DISC1: variants seen among roughly 807,000 people sequenced by gnomAD.
The protein encoded by DISC1 is DISC1 scaffold protein.
In DISC1, 57 loss-of-function variants were observed where a neutral mutation model predicts 84.5. The observed-to-expected ratio is 0.67, with a 90% CI of 0.55 to 0.84. The LOEUF (loss-of-function observed/expected upper bound fraction) is 0.84, where lower values mean the gene tolerates loss of function less well. DISC1 is among the 40% of genes least tolerant of loss of function. The probability of loss-of-function intolerance (pLI) is 0.00; values close to 1 mark genes in which losing one functional copy is unlikely to be tolerated. For synonymous variants in DISC1, 411 were observed against 415.2 expected (o/e 0.99, Z 0.12); for missense variants, 1,000 against 1,057.8 (o/e 0.95, Z 0.76).
chr1:232,020,077 C>T (rs1195961211), intron 11 of DISC1, among the ~76,000 whole-genome samples: 2 of 152,098 alleles, frequency 1.3e-5, no homozygotes, highest in Non-Finnish European at 2.9e-5. Context: ...TGCGGTGGCT[C>T]ACACCTGTAA....
rs538158442 is a variant in DISC1, at chr1:231,999,200, G to T, written c.2043-9585G>T. ...AAAAAGGCATGGACCATTTCTCTCT[G>T]CTTCTTCCCACTAAATGCAATTCTA... On this transcript the variant is annotated intron_variant, in intron 10 of 12. Coordinates refer to ENST00000439617, the MANE Select transcript of DISC1 (RefSeq NM_018662.3). 3.3e-5 allele frequency among the ~76,000 whole-genome samples: 5 copies of T among 152,286 alleles called. No homozygotes were observed. In the South Asian group the frequency reaches 1.0e-3, roughly 32 times the overall value.
intron 9 of DISC1, among the ~76,000 whole-genome samples, chr1:231,913,815 C>T (rs912576340): frequency 6.6e-6 from 1 of 152,170 alleles, no homozygotes. Flanking sequence ...TGCCAACATG[C>T]AAGAAACCAG....
At chr1:231,936,881 C>T (rs900531105) in intron 9 of DISC1, among the ~76,000 whole-genome samples, 6 of 152,192 alleles carry the variant, frequency 3.9e-5, no homozygotes, top group Admixed American at 1.3e-4. Context: ...GCAACAAAGG[C>T]CTTTCTGATA....
chr1:231,933,706 T>C (rs2090807970), intron 9 of DISC1, among the ~76,000 whole-genome samples: 1 of 152,228 alleles, frequency 6.6e-6, no homozygotes, highest in African/African-American at 2.4e-5. Context: ...ACCTGGCATC[T>C]TTTAAAATTA....
chr1:231,712,699 G>A (rs953416750), intron 3 of DISC1, among the ~76,000 whole-genome samples: 3 of 152,190 alleles, frequency 2.0e-5, no homozygotes, highest in Non-Finnish European at 4.4e-5. Context: ...GTTCTAACCT[G>A]TCTGGGGGCT....
intron 1 of DISC1, among the ~76,000 whole-genome samples, chr1:231,686,511 C>G (rs538657832): frequency 6.6e-6 from 1 of 152,294 alleles, no homozygotes; most frequent in African/African-American, 2.4e-5. Context: ...GCTGGAGCAG[C>G]TGGGACACAG....
At chr1:231,863,220 CTTTTTTTTTT>C (rs533463099) in intron 9 of DISC1, among the ~76,000 whole-genome samples, 12 of 54,768 alleles carry the variant, frequency 2.2e-4, no homozygotes, top group Admixed American at 1.2e-3. Flanking sequence ...ATAAAATGTT[CTTTTTTTTTT>C]TTTTTTTTTT....
At chr1:231,886,775 CTTTCTTTCTTTCTTTCTTT>C (rs2086748272) in intron 9 of DISC1, among the ~76,000 whole-genome samples, 1 of 68,470 alleles carries the variant, frequency 1.5e-5, no homozygotes, top group African/African-American at 5.0e-5. Flanking sequence ...TCCTTTCTTT[CTTTCTTTCTTTCTTTCTTT>C]CTTTCTTTCT....
chr1:232,036,853 G>A lies in DISC1; in HGVS notation c.*22G>A. On this transcript the variant is annotated 3_prime_UTR_variant, in exon 13 of 13. Transcript: ENST00000439617. ...CTGAGGAGTGACGGGATGGGGGAGG[G>A]AGGTGGGCCACCATGTTTGGACCCG... 2.0e-6 allele frequency: 3 copies of A among 1,523,612 alleles called. No individual in the cohort carries two copies. The highest frequency in any genetic ancestry group is 1.3e-5 in the South Asian group (1 of 78,986). 94.4% of individuals were successfully genotyped at this position (1,523,612 alleles called of 1,614,324 possible). A position where few individuals can be genotyped will look rare whatever the true frequency, so the allele number is the denominator to read the frequency against.
intron 10 of DISC1, among the ~76,000 whole-genome samples, chr1:231,984,253 A>G (rs367944368): frequency 6.6e-6 from 1 of 152,386 alleles, no homozygotes; most frequent in East Asian, 1.9e-4. Context: ...GTAAAGTACA[A>G]GTTTACCAGG....
At chr1:231,811,806 C>G (rs1319420395) in intron 8 of DISC1, among the ~76,000 whole-genome samples, 1 of 152,190 alleles carries the variant, frequency 6.6e-6, no homozygotes, top group Non-Finnish European at 1.5e-5. Context: ...AGTTCAAGTT[C>G]AGCAATCTCG....
At chr1:231,978,126 T>C (rs1343501835) in intron 10 of DISC1, among the ~76,000 whole-genome samples, 1 of 152,182 alleles carries the variant, frequency 6.6e-6, no homozygotes, top group Non-Finnish European at 1.5e-5. Context: ...TGAGACTTGG[T>C]CATATTTATG....
At chr1:231,912,599 G>A (rs533364140) in intron 9 of DISC1, among the ~76,000 whole-genome samples, 13 of 152,282 alleles carry the variant, frequency 8.5e-5, no homozygotes, top group African/African-American at 2.2e-4. Context: ...CTACTGGGAG[G>A]TGCCTCCCAG....
intron 9 of DISC1, among the ~76,000 whole-genome samples, chr1:231,837,727 C>T (rs1043052990): frequency 1.3e-5 from 2 of 152,074 alleles, no homozygotes; most frequent in Non-Finnish European, 2.9e-5. Flanking sequence ...GAGGAGGTGG[C>T]ACAAGTAATG....
intron 10 of DISC1, among the ~76,000 whole-genome samples, chr1:231,992,784 A>T (rs1016906831): frequency 6.6e-6 from 1 of 152,092 alleles, no homozygotes; most frequent in African/African-American, 2.4e-5. Context: ...TTTAAACTTA[A>T]TTTTTTTGTG....
At position 231,927,746 on chromosome 1, in the gene DISC1, TA is replaced by T. The variant is rs374409756; in HGVS notation, c.1982-31081del. Among the ~76,000 whole-genome samples the T allele has an allele frequency of 1.9e-3, 295 of 152,352 alleles. 2 individuals are homozygous for T. The highest frequency in any genetic ancestry group is 7.0e-3 in the African/African-American group (289 of 41,582). On this transcript the variant is annotated intron_variant, in intron 9 of 12. Coordinates refer to ENST00000439617, the MANE Select transcript of DISC1 (RefSeq NM_018662.3). ...GACGAGAGCTAGGCACGTGGATTTTTATGCAACAAAGGAGATAGGCAAGGAG... is the reference window on the plus strand; with the variant it reads ...GACGAGAGCTAGGCACGTGGATTTTTTGCAACAAAGGAGATAGGCAAGGAG...
chr1:231,993,703 G>A (rs1396955023), intron 10 of DISC1, among the ~76,000 whole-genome samples: 2 of 152,090 alleles, frequency 1.3e-5, no homozygotes, highest in Non-Finnish European at 2.9e-5. Flanking sequence ...TGCTCTCAAG[G>A]GGCCACAGAA....
At chr1:231,747,998 T>G (rs553597283) in intron 3 of DISC1, among the ~76,000 whole-genome samples, 1 of 152,310 alleles carries the variant, frequency 6.6e-6, no homozygotes, top group Non-Finnish European at 1.5e-5. Flanking sequence ...TTGTAGTTAT[T>G]GTAAATGAAA....
intron 1 of DISC1, among the ~76,000 whole-genome samples, chr1:231,654,208 T>G (rs1418435219): frequency 7.9e-5 from 12 of 152,222 alleles, no homozygotes; most frequent in African/African-American, 2.9e-4. Flanking sequence ...GCCCTGCTGT[T>G]GTTTCAAGGC....
Sources: gnomAD v4.1 joint callset for allele counts (sites outside exome capture counted in the v4.1 genomes callset) on GRCh38, gnomAD v4.1.1 for gene constraint, MANE v1.5 for transcripts, NCBI Gene and HGNC (gene_info 2026-07-23, HGNC 2026-07-21) for gene names.